METTL9: variants seen among roughly 807,000 people sequenced by gnomAD.
The protein encoded by METTL9 is protein-L-histidine N-pros-methyltransferase.
Under a neutral mutation model 36.0 loss-of-function variants are expected in METTL9, and 10 were observed. The observed-to-expected ratio is 0.28, with a 90% CI of 0.17 to 0.47. The LOEUF (loss-of-function observed/expected upper bound fraction) is 0.47. METTL9 is among the 20% of genes least tolerant of loss of function. METTL9 has a pLI of 0.99. For missense variants in METTL9, 246 were observed against 383.5 expected, an observed-to-expected ratio of 0.64 and a Z score of 3.00; for synonymous variants, 175 against 149.7, an observed-to-expected ratio of 1.17 and a Z score of -1.23.
intron 2 of METTL9, among the ~76,000 whole-genome samples, chr16:21,617,147 C>T (rs995062721): frequency 6.6e-6 from 1 of 152,130 alleles, no homozygotes; most frequent in African/African-American, 2.4e-5. Context: ...TTGCTGGGCA[C>T]GGTGGCTCAT....
intron 4 of METTL9, chr16:21,627,124 G>A (rs187733699): frequency 2.5e-4 from 248 of 985,314 alleles, no homozygotes; most frequent in Admixed American, 1.7e-3. Context: ...TTTTGCAGGC[G>A]CGCCACGGCA....
At chr16:21,632,593 G>A (rs953387669) in intron 4 of METTL9, among the ~76,000 whole-genome samples, 6 of 152,134 alleles carry the variant, frequency 3.9e-5, no homozygotes, top group Non-Finnish European at 8.8e-5. Flanking sequence ...ACGCACATAC[G>A]TATTTGAAGC....
chr16:21,631,384 G>A (rs1320212992), intron 4 of METTL9, among the ~76,000 whole-genome samples: 1 of 152,132 alleles, frequency 6.6e-6, no homozygotes, highest in East Asian at 1.9e-4. Context: ...ATTATTCTTT[G>A]CTATTAATAA....
chr16:21,608,278 C>T lies in METTL9; in HGVS notation c.166-4367C>T, dbSNP rs155028. Reference sequence around the variant, plus strand: ...GAGAGAGGTGAAACCAGGAGTCCTGCCCATTGGGTTAAAGGGGTTCCTGCA... The same window carrying T: ...GAGAGAGGTGAAACCAGGAGTCCTGTCCATTGGGTTAAAGGGGTTCCTGCA... On this transcript the variant is annotated intron_variant, in intron 1 of 4. Coordinates refer to ENST00000358154, the MANE Select transcript of METTL9 (RefSeq NM_016025.5). Among the ~76,000 whole-genome samples, 1,340 of 152,236 alleles carry T rather than the reference C, an allele frequency of 8.8e-3. 48 individuals carry two copies. Among genetic ancestry groups the T allele is most frequent in the East Asian group, 0.083 (428 of 5,174 alleles).
In METTL9 at chr16:21,655,291, A is replaced by G; in HGVS notation, c.816A>G (p.Gln272=). 6.2e-7 allele frequency: 1 copy of G among 1,614,272 alleles called. No homozygotes were observed. The highest frequency in any genetic ancestry group is 8.5e-7 in the Non-Finnish European group (1 of 1,180,048). ...TCAAAGGACAGAACTGGGAAGAACA[A>G]GTGAATAGTCTGCCTGAAGTTTTCA... ...LEIKGQNWEE[Q]VNSLPEVFRK... Residue 272 remains glutamine, a synonymous_variant, in exon 5 of 5, where the codon CAA becomes CAG. Coordinates refer to ENST00000358154, the MANE Select transcript of METTL9 (RefSeq NM_016025.5).
At chr16:21,620,047 G>A (rs777208843) in intron 3 of METTL9, among the ~76,000 whole-genome samples, 2 of 152,154 alleles carry the variant, frequency 1.3e-5, no homozygotes, top group African/African-American at 2.4e-5. Context: ...GAACAGATAC[G>A]CTGTGGGATT....
chr16:21,610,734 T>C (rs1965407051), intron 1 of METTL9, among the ~76,000 whole-genome samples: 1 of 152,058 alleles, frequency 6.6e-6, no homozygotes, highest in Non-Finnish European at 1.5e-5. Flanking sequence ...CTATTGTTGT[T>C]CTAGTCCATT....
In METTL9 at chr16:21,655,131, C is replaced by A. The variant is rs950323394; in HGVS notation, c.752-96C>A. ...ACTCATGAAGCCCTCAGGCTTGGAA[C>A]GTACCAAGTCCTTGGTAGATATGGC... On this transcript the variant is annotated intron_variant, in intron 4 of 4. Coordinates refer to ENST00000358154, the MANE Select transcript of METTL9 (RefSeq NM_016025.5). The A allele has an allele frequency of 7.4e-6, 8 of 1,085,252 alleles. No homozygotes were observed. In the East Asian group the frequency reaches 1.8e-4, roughly 24 times the overall value. 67.2% of individuals were successfully genotyped at this position (1,085,252 alleles called of 1,614,324 possible). A position where few individuals can be genotyped will look rare whatever the true frequency, so the allele number is the denominator to read the frequency against.
intron 4 of METTL9, chr16:21,639,959 G>C (rs1039439884): frequency 1.4e-5 from 2 of 140,128 alleles, no homozygotes; most frequent in African/African-American, 5.0e-5. Context: ...ATTTATTTTT[G>C]AGACAGTCTT....
At chr16:21,611,603 A>G (rs1965426578) in intron 1 of METTL9, among the ~76,000 whole-genome samples, 1 of 152,218 alleles carries the variant, frequency 6.6e-6, no homozygotes, top group Non-Finnish European at 1.5e-5. Flanking sequence ...TAGGATTCTC[A>G]CTACGTGCTT....
At chr16:21,646,250 C>T (rs1405896107) in intron 4 of METTL9, 4 of 151,928 alleles carry the variant, frequency 2.6e-5, no homozygotes, top group South Asian at 2.1e-4. Context: ...TTGATGTCCT[C>T]GCTCGGCTGA....
intron 1 of METTL9, among the ~76,000 whole-genome samples, chr16:21,609,114 T>G (rs1160668418): frequency 6.6e-6 from 1 of 152,186 alleles, no homozygotes; most frequent in Non-Finnish European, 1.5e-5. Context: ...GCTTCCTTGC[T>G]TGTGGTAATG....
chr16:21,644,722 CA>C (rs1282392740), intron 4 of METTL9, among the ~76,000 whole-genome samples: 2 of 152,160 alleles, frequency 1.3e-5, no homozygotes, highest in Non-Finnish European at 2.9e-5. Flanking sequence ...ACAGTTTGTT[CA>C]AGGGCATCTA....
In METTL9 at chr16:21,655,294, G is replaced by T. The variant is rs775331284; in HGVS notation, c.819G>T (p.Val273=). 3 of 1,614,210 alleles carry T rather than the reference G, an allele frequency of 1.9e-6. No individual in the cohort carries two copies. ...AAGGACAGAACTGGGAAGAACAAGT[G>T]AATAGTCTGCCTGAAGTTTTCAGAA... ...EIKGQNWEEQ[V]NSLPEVFRKA... is the part of the protein sequence containing the mutation. The change falls in exon 5 of 5, where the codon GTG becomes GTT. Residue 273 remains valine (V), a synonymous_variant. Transcript: ENST00000358154.
At chr16:21,645,708 C>G (rs1966404873) in intron 4 of METTL9, among the ~76,000 whole-genome samples, 1 of 152,166 alleles carries the variant, frequency 6.6e-6, no homozygotes, top group African/African-American at 2.4e-5. Context: ...CATCTTTTTA[C>G]AAGCCATTTT....
At position 21,647,245 on chromosome 16, in the gene METTL9, T is replaced by C. The variant is rs1383328512; in HGVS notation, c.752-7982T>C. 1.1e-5 allele frequency: 18 copies of C among 1,614,090 alleles called. No homozygotes were observed. In the Admixed American group the frequency reaches 1.7e-4, roughly 15 times the overall value. ...CACTGTCATTTGAAGTCACTCTGTT[T>C]ACAGTGAGGGAAACTTGGTTTTCTT... On this transcript the variant is annotated intron_variant, in intron 4 of 4. Coordinates refer to ENST00000358154, the MANE Select transcript of METTL9 (RefSeq NM_016025.5).
At chr16:21,627,992 AGT>A (rs1161846108) in intron 4 of METTL9, among the ~76,000 whole-genome samples, 1 of 152,142 alleles carries the variant, frequency 6.6e-6, no homozygotes, top group Non-Finnish European at 1.5e-5. Context: ...CATCCAGTCC[AGT>A]TCCACAATCT....
chr16:21,643,111 A>G (rs1214743865), intron 4 of METTL9: 1 of 1,609,442 alleles, frequency 6.2e-7, no homozygotes, highest in Admixed American at 1.7e-5. Context: ...CTTATGGTAT[A>G]GTTCTTGAGC....
chr16:21,604,151 T>C (rs904537511), intron 1 of METTL9, among the ~76,000 whole-genome samples: 3 of 152,198 alleles, frequency 2.0e-5, no homozygotes, highest in Non-Finnish European at 4.4e-5. Context: ...ATTGGCGTCC[T>C]TCTCTGAACT....
Sources: gnomAD v4.1 joint callset for allele counts (sites outside exome capture counted in the v4.1 genomes callset) on GRCh38, gnomAD v4.1.1 for gene constraint, MANE v1.5 for transcripts, NCBI Gene and HGNC (gene_info 2026-07-23, HGNC 2026-07-21) for gene names.